Variants in TRPC5 observed in about 807,000 individuals in gnomAD.
TRPC5 encodes the protein transient receptor potential cation channel subfamily C member 5.
In TRPC5, 9 loss-of-function variants were observed where a neutral mutation model predicts 56.5. The ratio of observed to expected loss-of-function variants is 0.16; its 90% CI spans 0.10 to 0.28. The LOEUF is 0.28. Among genes scored for constraint, TRPC5 ranks in the 10% least tolerant of loss-of-function variants. The probability of loss-of-function intolerance (pLI) is 1.00; values close to 1 mark genes in which losing one functional copy is unlikely to be tolerated. For missense variants in TRPC5, 469 were observed against 748.9 expected, an observed-to-expected ratio of 0.63 and a Z score of 4.36; for synonymous variants, 282 against 278.5, an observed-to-expected ratio of 1.01 and a Z score of -0.13.
intron 3 of TRPC5, among the ~76,000 whole-genome samples, chrX:111,891,520 T>C (rs1031537239): frequency 9.0e-6 from 1 of 111,535 alleles, no homozygotes; most frequent in African/African-American, 3.3e-5. Flanking sequence ...TAATCCTTGC[T>C]ACACAGGATT....
chrX:112,075,388 A>G (rs756461783), intron 1 of TRPC5, among the ~76,000 whole-genome samples: 13 of 111,703 alleles, frequency 1.2e-4, no homozygotes, highest in African/African-American at 4.2e-4. Context: ...GGGAATAATA[A>G]TAATACCTAT....
At chrX:112,070,577 A>G (rs975867900) in intron 1 of TRPC5, among the ~76,000 whole-genome samples, 1 of 111,128 alleles carries the variant, frequency 9.0e-6, no homozygotes, top group Non-Finnish European at 1.9e-5. Context: ...ACTCGATTTT[A>G]TTTCTTGAGG....
At chrX:112,012,462 AG>A (rs745881159) in intron 1 of TRPC5, among the ~76,000 whole-genome samples, 4 of 110,853 alleles carry the variant, frequency 3.6e-5, no homozygotes, top group South Asian at 3.9e-4. Flanking sequence ...TCACATGCAA[AG>A]GCAATTCAGA....
intron 1 of TRPC5, among the ~76,000 whole-genome samples, chrX:112,031,432 G>C (rs1337012472): frequency 1.8e-5 from 2 of 111,669 alleles, no homozygotes; most frequent in African/African-American, 6.5e-5. Context: ...TTTTAACTGT[G>C]AGCATTCCCT....
intron 1 of TRPC5, among the ~76,000 whole-genome samples, chrX:112,079,324 T>C (rs931836774): frequency 2.7e-5 from 3 of 112,163 alleles, no homozygotes. Flanking sequence ...ATTTGAAATA[T>C]CCATTCAATA....
intron 10 of TRPC5, among the ~76,000 whole-genome samples, chrX:111,778,489 A>T (rs1273657352): frequency 9.0e-6 from 1 of 111,141 alleles, no homozygotes; most frequent in Non-Finnish European, 1.9e-5. Flanking sequence ...ACATTGCCAA[A>T]TGTGGTCTTG....
chrX:111,860,062 C>T (rs1294796976), intron 3 of TRPC5, among the ~76,000 whole-genome samples: 1 of 112,298 alleles, frequency 8.9e-6, no homozygotes, highest in African/African-American at 3.2e-5. Context: ...GCGCCCGCCA[C>T]CACGACCGGC....
intron 7 of TRPC5, among the ~76,000 whole-genome samples, chrX:111,828,185 C>T (rs1301410286): frequency 8.9e-6 from 1 of 112,258 alleles, no homozygotes; most frequent in Non-Finnish European, 1.9e-5. Flanking sequence ...ATCAAATCTT[C>T]CTTGTGCTTC....
intron 1 of TRPC5, among the ~76,000 whole-genome samples, chrX:111,953,165 A>G (rs1224255941): frequency 8.9e-6 from 1 of 112,024 alleles, no homozygotes; most frequent in Non-Finnish European, 1.9e-5. Context: ...GCCAACTGCA[A>G]AAGATAAACA....
intron 6 of TRPC5, among the ~76,000 whole-genome samples, chrX:111,844,374 A>T (rs1203382088): frequency 9.0e-6 from 1 of 111,261 alleles, no homozygotes; most frequent in East Asian, 2.8e-4. Context: ...CTGTACTGTC[A>T]TGTGGTTGTC....
intron 1 of TRPC5, among the ~76,000 whole-genome samples, chrX:111,974,066 T>C (rs1200439316): frequency 8.9e-6 from 1 of 112,006 alleles, no homozygotes; most frequent in Non-Finnish European, 1.9e-5. Context: ...CTGGCTAAAA[T>C]AGAGTAACAG....
chrX:111,913,829 G>A (rs938272416), intron 2 of TRPC5, among the ~76,000 whole-genome samples: 3 of 109,955 alleles, frequency 2.7e-5, no homozygotes, highest in East Asian at 2.9e-4. Context: ...GCATGGTGGC[G>A]GGCGCCTGTA....
intron 2 of TRPC5, among the ~76,000 whole-genome samples, chrX:111,951,698 A>C (rs190802254): frequency 8.9e-6 from 1 of 111,766 alleles, no homozygotes; most frequent in Non-Finnish European, 1.9e-5. Flanking sequence ...CCTTTTCTAG[A>C]ATATAACCTT....
At chrX:112,016,180 G>A (rs1929117492) in intron 1 of TRPC5, among the ~76,000 whole-genome samples, 1 of 111,641 alleles carries the variant, frequency 9.0e-6, no homozygotes, top group Non-Finnish European at 1.9e-5. Context: ...GATGAGGTTG[G>A]GAGGAAATTG....
chrX:111,986,715 A>G (rs1245629205), intron 1 of TRPC5, among the ~76,000 whole-genome samples: 1 of 111,479 alleles, frequency 9.0e-6, no homozygotes, highest in Non-Finnish European at 1.9e-5. Context: ...GGCTTCCCAC[A>G]TATCCCCACT....
intron 1 of TRPC5, among the ~76,000 whole-genome samples, chrX:112,006,047 A>G (rs36004715): frequency 1.8e-5 from 2 of 111,686 alleles, no homozygotes; most frequent in Non-Finnish European, 3.8e-5. Context: ...CCCAGTTGGC[A>G]AATGTGCTGC....
Position 111,984,251 on chromosome X carries a change from A to G in TRPC5, c.-21-31810T>C, listed in dbSNP as rs866831887. ...GCACCAAACAACCTCCGTATCTGCTACTGACACTTGAAGCATCATTGGTTC... is the reference window on the plus strand; with the variant it reads ...GCACCAAACAACCTCCGTATCTGCTGCTGACACTTGAAGCATCATTGGTTC... On this transcript the variant is annotated intron_variant, in intron 1 of 10. Coordinates refer to ENST00000262839, the MANE Select transcript of TRPC5 (RefSeq NM_012471.3). Among the ~76,000 whole-genome samples, 6 of 111,808 alleles carry G rather than the reference A, an allele frequency of 5.4e-5. No homozygotes were observed. The South Asian group carries it at 1.9e-3, about 35-fold the overall frequency.
At chrX:111,886,397 C>T (rs1354968828) in intron 3 of TRPC5, among the ~76,000 whole-genome samples, 2 of 112,857 alleles carry the variant, frequency 1.8e-5, no homozygotes, top group African/African-American at 6.4e-5. Flanking sequence ...GTGATGTTTG[C>T]ATCCATGTAT....
chrX:111,914,528 TGGA>T (rs1342354613), intron 2 of TRPC5, among the ~76,000 whole-genome samples: 1 of 111,280 alleles, frequency 9.0e-6, no homozygotes, highest in Admixed American at 9.6e-5. Flanking sequence ...AGGAGAAAGG[TGGA>T]GGAGGAGGAG....
Sources: gnomAD v4.1 joint callset for allele counts (sites outside exome capture counted in the v4.1 genomes callset) on GRCh38, gnomAD v4.1.1 for gene constraint, MANE v1.5 for transcripts, NCBI Gene and HGNC (gene_info 2026-07-23, HGNC 2026-07-21) for gene names.